The following GARIN5A variants were observed in gnomAD, a reference collection of about 807,000 sequenced individuals.
GARIN5A encodes golgi associated RAB2 interactor 5A, also known as Golgi-associated RAB2 interactor protein 5A.
At chr19:50,471,833 CAT>C in the GARIN5A span, among the ~76,000 whole-genome samples, 8 of 143,628 alleles carry the variant, frequency 5.6e-5, no homozygotes, top group Admixed American at 4.0e-4. Context: ...TATACGCATA[CAT>C]ATCTGTGTGC....
At chr19:50,469,986 A>G in the GARIN5A span, among the ~76,000 whole-genome samples, 1 of 152,140 alleles carries the variant, frequency 6.6e-6, no homozygotes, top group Non-Finnish European at 1.5e-5. Context: ...TTTTCCCCCG[A>G]CAACCTTATG....
At chr19:50,476,775 A>C in the GARIN5A span, 7 of 670,736 alleles carry the variant, frequency 1.0e-5, no homozygotes, top group South Asian at 1.5e-4. Context: ...AAGAGGTGGG[A>C]GATCCCTGGA....
the GARIN5A span, among the ~76,000 whole-genome samples, chr19:50,472,149 T>TGTGTATATGTATATATACGC: frequency 2.0e-5 from 3 of 151,512 alleles, no homozygotes; most frequent in South Asian, 6.2e-4. Flanking sequence ...TATGTATACG[T>TGTGTATATGTATATATACGC]GTGTATATGT....
chr19:50,475,636 C>T, the GARIN5A span: 1 of 705,334 alleles, frequency 1.4e-6, no homozygotes, highest in Non-Finnish European at 2.3e-6. Flanking sequence ...GTCAGGGAAA[C>T]TGAGGCAAGG....
chr19:50,470,657 G>GTTTT, the GARIN5A span, among the ~76,000 whole-genome samples: 2 of 133,972 alleles, frequency 1.5e-5, no homozygotes, highest in Admixed American at 7.7e-5. Flanking sequence ...GGCTACTGCT[G>GTTTT]TTTTTTTTTT....
chr19:50,471,354 C>T, the GARIN5A span, among the ~76,000 whole-genome samples: 5 of 151,500 alleles, frequency 3.3e-5, no homozygotes, highest in African/African-American at 9.7e-5. Context: ...CTGCAACCTC[C>T]GACTCCTGGG....
At chr19:50,475,269 C>T in the GARIN5A span, 27 of 1,521,246 alleles carry the variant, frequency 1.8e-5, no homozygotes, top group South Asian at 2.0e-4. Flanking sequence ...CTGCTGGGGG[C>T]TCAGGTGCCT....
chr19:50,475,923 C>G, the GARIN5A span: 2 of 1,613,574 alleles, frequency 1.2e-6, no homozygotes, highest in Middle Eastern at 1.6e-4. Context: ...TGGGACGGCC[C>G]GTGGGAGAGG....
the GARIN5A span, chr19:50,476,194 C>T: frequency 1.2e-6 from 2 of 1,613,778 alleles, no homozygotes; most frequent in Middle Eastern, 1.6e-4. Context: ...CGCGATCCCG[C>T]CTCATTGCAA....
chr19:50,471,966 A>G, the GARIN5A span, among the ~76,000 whole-genome samples: 1 of 150,992 alleles, frequency 6.6e-6, no homozygotes, highest in Non-Finnish European at 1.5e-5. Context: ...ATGTATGTAT[A>G]TATACATGTA....
chr19:50,468,547 G>C, the GARIN5A span, among the ~76,000 whole-genome samples: 1 of 151,856 alleles, frequency 6.6e-6, no homozygotes, highest in African/African-American at 2.4e-5. Context: ...AGTCGCTGTG[G>C]ACTCCATGTT....
the GARIN5A span, chr19:50,467,796 G>A: frequency 6.8e-6 from 11 of 1,613,064 alleles, no homozygotes; most frequent in Non-Finnish European, 9.3e-6. Flanking sequence ...TTTTGTCGTG[G>A]ACAAAGAGCT....
At chr19:50,467,691 C>A in the GARIN5A span, 1 of 1,592,250 alleles carries the variant, frequency 6.3e-7, no homozygotes, top group Non-Finnish European at 8.6e-7. Flanking sequence ...GCCGCACCCA[C>A]TGGCCGAACT....
chr19:50,471,325 A>G, the GARIN5A span, among the ~76,000 whole-genome samples: 1 of 151,404 alleles, frequency 6.6e-6, no homozygotes, highest in South Asian at 2.1e-4. Context: ...GCTGGAGTGC[A>G]GTGGTGAGAT....
chr19:50,472,090 A>ATGTATATGTATATACACGTG, the GARIN5A span, among the ~76,000 whole-genome samples: 295 of 112,630 alleles, frequency 2.6e-3, 2 homozygotes, highest in Non-Finnish European at 4.3e-3. Flanking sequence ...ATGTGTGTAT[A>ATGTATATGTATATACACGTG]TGTATATGTA....
At chr19:50,472,214 G>A in the GARIN5A span, among the ~76,000 whole-genome samples, 1 of 141,194 alleles carries the variant, frequency 7.1e-6, no homozygotes. Flanking sequence ...ATATACATGT[G>A]TGTATGTATA....
chr19:50,467,671 C>T, the GARIN5A span: 7 of 1,583,548 alleles, frequency 4.4e-6, no homozygotes, highest in Admixed American at 3.6e-5. Flanking sequence ...GAAGCGCAGG[C>T]GGTAGAGCAG....
chr19:50,471,684 G>A, the GARIN5A span, among the ~76,000 whole-genome samples: 1 of 145,920 alleles, frequency 6.9e-6, no homozygotes, highest in African/African-American at 2.8e-5. Flanking sequence ...ATACATGCAC[G>A]TGTGTGTATA....
At chr19:50,476,458 C>G in the GARIN5A span, 1 of 1,563,132 alleles carries the variant, frequency 6.4e-7, no homozygotes, top group East Asian at 2.3e-5. Flanking sequence ...CGCAGGCGCA[C>G]GGGCGTCAGG....
Sources: gnomAD v4.1 joint callset for allele counts (sites outside exome capture counted in the v4.1 genomes callset) on GRCh38, gnomAD v4.1.1 for gene constraint, MANE v1.5 for transcripts, NCBI Gene and HGNC (gene_info 2026-07-23, HGNC 2026-07-21) for gene names.